Variants in CACNG6 observed in about 807,000 individuals in gnomAD.
CACNG6 encodes calcium voltage-gated channel auxiliary subunit gamma 6.
A neutral mutation model predicts 23.9 loss-of-function variants in CACNG6; 21 were observed. That is an observed-to-expected ratio of 0.88 (90% confidence interval 0.62 to 1.26). The LOEUF is 1.26. Ranked by LOEUF, CACNG6 falls within the 50% of genes most tolerant of loss-of-function variation. The probability of loss-of-function intolerance (pLI) is 0.00; values close to 1 mark genes in which losing one functional copy is unlikely to be tolerated. For missense variants in CACNG6, 340 were observed against 352.9 expected, an observed-to-expected ratio of 0.96 and a Z score of 0.29; for synonymous variants, 182 against 168.9, an observed-to-expected ratio of 1.08 and a Z score of -0.60.
intron 2 of CACNG6, among the ~76,000 whole-genome samples, chr19:53,998,859 C>T (rs1568813255): frequency 6.6e-6 from 1 of 151,830 alleles, no homozygotes; most frequent in Non-Finnish European, 1.5e-5. Flanking sequence ...TTCTGTGTCA[C>T]CCCGGGCAAG....
Position 53,993,158 on chromosome 19 carries a change from C to T in CACNG6, c.281C>T (p.Ala94Val), listed in dbSNP as rs761974235. The change falls in exon 1 of 4, where the codon GCG (alanine) becomes GTG (valine). Residue 94 changes from alanine (A) to valine (V), a missense_variant. Physicochemically the swap from Ala to Val is moderately conservative, Grantham distance 64. Transcript: ENST00000252729. ...WKACTKRLWQADVPVDRDTCG... is the reference protein window; with the variant it reads ...WKACTKRLWQVDVPVDRDTCG... ...GCGTGCACCAAGCGGCTGTGGCAGG[C>T]GGACGTGCCCGTGGACAGGGACACC... 5.9e-6 allele frequency: 9 copies of T among 1,530,156 alleles called. No homozygotes were observed. The highest frequency in any genetic ancestry group is 2.4e-5 in the East Asian group (1 of 40,840). 94.8% of individuals were successfully genotyped at this position (1,530,156 alleles called of 1,614,324 possible). A position where few individuals can be genotyped will look rare whatever the true frequency, so the allele number is the denominator to read the frequency against.
Position 54,012,537 on chromosome 19 carries a change from G to A in CACNG6, c.*348G>A. Reference sequence around the variant, plus strand: ...AGTTGGGGGCCCCTTCATTTCCCAGGTCTGGATCGATTCACTTGCCGGGAG... The same window carrying A: ...AGTTGGGGGCCCCTTCATTTCCCAGATCTGGATCGATTCACTTGCCGGGAG... On this transcript the variant is annotated 3_prime_UTR_variant, in exon 4 of 4. Transcript: ENST00000252729. 4.8e-6 allele frequency: 1 copy of A among 209,798 alleles called. No homozygotes were observed. The allele number at this position is 209,798 out of a possible 1,614,324, so 13.0% of individuals were successfully genotyped here.
intron 3 of CACNG6, among the ~76,000 whole-genome samples, chr19:54,010,624 G>A (rs1198506822): frequency 1.3e-5 from 2 of 151,864 alleles, no homozygotes; most frequent in African/African-American, 4.8e-5. Flanking sequence ...GTCCAGGCTG[G>A]AGTGTACTGG....
At position 53,992,277 on chromosome 19, in the gene CACNG6, CCA is replaced by C. The variant is rs1355008025; in HGVS notation, c.-600_-599del. 2 of 152,192 alleles carry C rather than the reference CCA, an allele frequency of 1.3e-5. No homozygotes were observed. Among genetic ancestry groups the C allele is most frequent in the Admixed American group, 6.5e-5 (1 of 15,278 alleles). The allele number at this position is 152,192 out of a possible 1,614,324, so 9.4% of individuals were successfully genotyped here. On this transcript the variant is annotated 5_prime_UTR_variant, in exon 1 of 4. Coordinates refer to ENST00000252729, the MANE Select transcript of CACNG6 (RefSeq NM_145814.2). The surrounding 1 kb of genome is among the most constrained non-coding windows in gnomAD (Gnocchi z 4.1). ...ACCCCAGGTCTTCCTTTTCCGAATC[CCA>C]GAGGGTCCCCAAGTCCTCTGTTCTC...
chr19:53,998,708 C>T (rs2069546750), intron 2 of CACNG6, among the ~76,000 whole-genome samples: 1 of 152,058 alleles, frequency 6.6e-6, no homozygotes, highest in Non-Finnish European at 1.5e-5. Context: ...GATGGGGTTT[C>T]ACCATGTTGA....
At chr19:54,009,154 G>A (rs529199474) in intron 3 of CACNG6, among the ~76,000 whole-genome samples, 1 of 152,038 alleles carries the variant, frequency 6.6e-6, no homozygotes, top group East Asian at 1.9e-4. Flanking sequence ...CGGGCGCGGT[G>A]GCTCACGTCT....
chr19:53,996,541 T>C (rs1003981389), intron 1 of CACNG6, among the ~76,000 whole-genome samples: 15 of 151,814 alleles, frequency 9.9e-5, no homozygotes, highest in African/African-American at 3.6e-4. Flanking sequence ...TACAGGCATG[T>C]GCCACCACTC....
rs201421758 is a variant in CACNG6 at position 54,011,944 on chromosome 19, C to A, written c.545-7C>A. The A allele has an allele frequency of 6.7e-7, 1 of 1,491,234 alleles. No individual in the cohort carries two copies. The allele number at this position is 1,491,234 out of a possible 1,614,324, so 92.4% of individuals were successfully genotyped here. On this transcript the variant is annotated splice_region_variant and splice_polypyrimidine_tract_variant and intron_variant, in intron 3 of 3. Transcript: ENST00000252729. ...CGTCTGACTGCGAGCTGTCCTCTCT[C>A]CCGCAGGCCTGCTGCTCTTGGTGAG...
In CACNG6 at chr19:54,002,106, G is replaced by C. The variant is rs563125062; in HGVS notation, c.544+2335G>C. Among the ~76,000 whole-genome samples the C allele has an allele frequency of 7.9e-5, 11 of 139,198 alleles. No homozygotes were observed. In the South Asian group the frequency reaches 2.3e-3, roughly 29 times the overall value. 91.3% of individuals were successfully genotyped at this position (139,198 alleles called of 152,430 possible). On this transcript the variant is annotated intron_variant, in intron 3 of 3. Coordinates refer to ENST00000252729, the MANE Select transcript of CACNG6 (RefSeq NM_145814.2). ...ATCTCTCTCTTTTTTTTTTGTTTTT[G>C]AGACAGGGTCTCGCTCTCTCATCCA...
chr19:54,011,204 A>AT (rs1350297855), intron 3 of CACNG6, among the ~76,000 whole-genome samples: 289 of 109,442 alleles, frequency 2.6e-3, no homozygotes, highest in Admixed American at 3.5e-3. Context: ...AAAAAAAAAA[A>AT]AATATATATA....
At chr19:53,998,509 C>CTAT (rs1490909130) in intron 2 of CACNG6, among the ~76,000 whole-genome samples, 196 bp downstream of exon 2, 1 of 112,480 alleles carries the variant, frequency 8.9e-6, no homozygotes, top group African/African-American at 4.2e-5. Flanking sequence ...ATCTAGAGAA[C>CTAT]TCTTTTTTTT....
intron 1 of CACNG6, among the ~76,000 whole-genome samples, chr19:53,995,397 C>T (rs118146008): frequency 0.013 from 2,044 of 152,254 alleles, 22 homozygotes; most frequent in Non-Finnish European, 0.021. Flanking sequence ...CACCACTGCC[C>T]ATCAAAAGGC....
At chr19:54,011,841 C>T (rs2069718544) in intron 3 of CACNG6, 110 bp from the exon 4 acceptor site, 3 of 555,974 alleles carry the variant, frequency 5.4e-6, no homozygotes, top group Non-Finnish European at 8.3e-6. Flanking sequence ...GTTGAGTGCA[C>T]GCGTGGGAAG....
rs2069477781 is a variant in CACNG6, at chr19:53,992,939, G to A, written c.62G>A (p.Arg21Gln). ...CGGCGGCGGGGGGCCGCGGGCCGGC[G>A]GCGGGCGCACGGGCAGGGCAGGTCG... ...ENRRRGAAGR[R>Q]RAHGQGRSGL... is the part of the protein sequence containing the mutation. The change falls in exon 1 of 4, where the codon CGG (arginine) becomes CAG (glutamine). Residue 21 changes from arginine to glutamine, a missense_variant. Coordinates refer to ENST00000252729, the MANE Select transcript of CACNG6 (RefSeq NM_145814.2). The surrounding 1 kb of genome is among the most constrained non-coding windows in gnomAD (Gnocchi z 4.1). The A allele has an allele frequency of 2.2e-6, 3 of 1,384,422 alleles. No individual in the cohort carries two copies. In the South Asian group the frequency reaches 6.0e-5, roughly 28 times the overall value. 85.8% of individuals were successfully genotyped at this position (1,384,422 alleles called of 1,614,324 possible).
chr19:54,003,319 G>A (rs1036705072), intron 3 of CACNG6, among the ~76,000 whole-genome samples: 1 of 152,076 alleles, frequency 6.6e-6, no homozygotes, highest in Admixed American at 6.6e-5. Flanking sequence ...AGAGGAGGCT[G>A]GAGAAGCCGC....
intron 3 of CACNG6, among the ~76,000 whole-genome samples, chr19:54,005,611 G>A (rs1434579679): frequency 6.6e-6 from 1 of 151,694 alleles, no homozygotes; most frequent in Non-Finnish European, 1.5e-5. Flanking sequence ...AAAATTAGGC[G>A]GGCATGGTGG....
rs181769997 is a variant in CACNG6 at position 54,006,727 on chromosome 19, G to T, written c.545-5224G>T. On this transcript the variant is annotated intron_variant, in intron 3 of 3. Transcript: ENST00000252729. Reference sequence around the variant, plus strand: ...TTTTGTATTTTTTAGTAGAGAGGGGGTTTCTCTATGTTGGCCAGGCTGGTC... The same window carrying T: ...TTTTGTATTTTTTAGTAGAGAGGGGTTTTCTCTATGTTGGCCAGGCTGGTC... Among the ~76,000 whole-genome samples the T allele has an allele frequency of 9.4e-3, 1,434 of 151,844 alleles. 23 individuals are homozygous for T. Among genetic ancestry groups the T allele is most frequent in the African/African-American group, 0.034 (1,389 of 41,418 alleles).
intron 3 of CACNG6, among the ~76,000 whole-genome samples, chr19:54,011,607 G>A (rs2069715467): frequency 6.6e-6 from 1 of 151,798 alleles, no homozygotes. Flanking sequence ...CGTTCACATT[G>A]TTATGCAACT....
At chr19:53,998,348 G>T (rs773395368) in intron 2 of CACNG6, 35 bp downstream of exon 2, 8 of 1,585,308 alleles carry the variant, frequency 5.0e-6, no homozygotes, top group Non-Finnish European at 6.9e-6. Context: ...GGTGACAGGT[G>T]GGGGAAATGC....
Sources: gnomAD v4.1 joint callset for allele counts (sites outside exome capture counted in the v4.1 genomes callset) on GRCh38, gnomAD v4.1.1 for gene constraint, Gnocchi (gnomAD v3.1) non-coding constraint, MANE v1.5 for transcripts, NCBI Gene and HGNC (gene_info 2026-07-23, HGNC 2026-07-21) for gene names.